The following DEPDC5 variants were observed in gnomAD, a reference collection of about 807,000 sequenced individuals.
DEPDC5 encodes DEP domain containing 5, GATOR1 subcomplex subunit, also known as GATOR1 complex protein DEPDC5.
A neutral mutation model predicts 217.3 loss-of-function variants in DEPDC5; 73 were observed. The ratio of observed to expected loss-of-function variants is 0.34; its 90% CI spans 0.28 to 0.41. DEPDC5 has a LOEUF of 0.41. Ranked by LOEUF, DEPDC5 falls within the 10% of genes least tolerant of loss-of-function variation. The probability of loss-of-function intolerance (pLI) is 1.00; values close to 1 mark genes in which losing one functional copy is unlikely to be tolerated. For synonymous variants in DEPDC5, 733 were observed against 756.7 expected, an observed-to-expected ratio of 0.97 and a Z score of 0.51; for missense variants, 1,675 against 2,070.1, an observed-to-expected ratio of 0.81 and a Z score of 3.70.
intron 15 of DEPDC5, among the ~76,000 whole-genome samples, chr22:31,803,536 C>G (rs1230552049): frequency 6.6e-6 from 1 of 152,090 alleles, no homozygotes; most frequent in Non-Finnish European, 1.5e-5. Context: ...TTCAGATGCA[C>G]TATCAGGTCA....
At chr22:31,816,924 C>G (rs1169926276) in intron 21 of DEPDC5, 1 of 153,306 alleles carries the variant, frequency 6.5e-6, no homozygotes, top group Admixed American at 6.5e-5. Context: ...GGATCTGCAC[C>G]TGAACCCTTA....
chr22:31,827,912 A>G (rs2090278426), intron 24 of DEPDC5, among the ~76,000 whole-genome samples: 1 of 152,122 alleles, frequency 6.6e-6, no homozygotes, highest in African/African-American at 2.4e-5. Context: ...CCAGTCTCAG[A>G]GGTGTCCTGT....
chr22:31,903,053 T>C (rs1003608386), intron 41 of DEPDC5, among the ~76,000 whole-genome samples: 1 of 151,900 alleles, frequency 6.6e-6, no homozygotes, highest in Non-Finnish European at 1.5e-5. Flanking sequence ...GCCAGCTTTT[T>C]CTACCACAGA....
At chr22:31,760,843 G>T in intron 4 of DEPDC5, 141 bp downstream of exon 4, 1 of 701,274 alleles carries the variant, frequency 1.4e-6, no homozygotes. Context: ...TTCAATTCAG[G>T]CAGTACATGG....
At chr22:31,839,518 A>AC (rs136859) in intron 27 of DEPDC5, among the ~76,000 whole-genome samples, 67,796 of 149,344 alleles carry the variant, frequency 0.45, 16,150 homozygotes, top group African/African-American at 0.61. Context: ...TGCTAACAAG[A>AC]CCCCCCCTCC....
At chr22:31,815,705 A>ATT in intron 21 of DEPDC5, 3 of 645,564 alleles carry the variant, frequency 4.6e-6, no homozygotes, top group African/African-American at 1.9e-5. Context: ...TGATTATCAT[A>ATT]TTTTTTTTTG....
rs777328843 is a variant in DEPDC5 at position 31,819,234 on chromosome 22, G to T, written c.1870+9G>T. On this transcript the variant is annotated intron_variant, in intron 22 of 42. Transcript: ENST00000651528. ...GCACACTTTTCCTGTGGGTAAGTTG[G>T]TTGCTTAAGAGAGAGCCTTGGACTA... The T allele has an allele frequency of 1.6e-5, 26 of 1,614,032 alleles. No homozygotes were observed. The highest frequency in any genetic ancestry group is 2.1e-5 in the Non-Finnish European group (25 of 1,180,006).
intron 10 of DEPDC5, among the ~76,000 whole-genome samples, chr22:31,785,798 C>G (rs2148426954): frequency 6.6e-6 from 1 of 152,186 alleles, no homozygotes; most frequent in Non-Finnish European, 1.5e-5. Context: ...ACCCGTACAT[C>G]TATGGTCAGT....
At chr22:31,770,912 C>T (rs2083295335) in intron 7 of DEPDC5, among the ~76,000 whole-genome samples, 1 of 151,108 alleles carries the variant, frequency 6.6e-6, no homozygotes, top group Non-Finnish European at 1.5e-5. Context: ...CTGCCTGGGC[C>T]TCCTGAACTA....
intron 12 of DEPDC5, among the ~76,000 whole-genome samples, chr22:31,793,089 TAAATAAATAAAC>T (rs1258850999): frequency 2.0e-5 from 3 of 151,980 alleles, no homozygotes; most frequent in African/African-American, 7.2e-5. Flanking sequence ...AATAAATAAA[TAAATAAATAAAC>T]CTTTTAATTT....
chr22:31,860,850 A>T (rs2092482141), intron 32 of DEPDC5, among the ~76,000 whole-genome samples: 1 of 152,082 alleles, frequency 6.6e-6, no homozygotes, highest in Non-Finnish European at 1.5e-5. Context: ...CTCCTGGCTC[A>T]ATGTATCTCT....
intron 38 of DEPDC5, among the ~76,000 whole-genome samples, chr22:31,889,109 G>A (rs1236677299): frequency 6.6e-6 from 1 of 152,158 alleles, no homozygotes; most frequent in Non-Finnish European, 1.5e-5. Flanking sequence ...CCTTCCCCAG[G>A]TTACTGATAA....
intron 38 of DEPDC5, chr22:31,891,165 T>A (rs192800827): frequency 2.3e-4 from 117 of 511,738 alleles, no homozygotes; most frequent in Middle Eastern, 1.4e-3. Context: ...TAGGAGCTCC[T>A]TCTTTAAACT....
At chr22:31,834,157 A>G in intron 25 of DEPDC5, 177 bp downstream of exon 25, 1 of 712,150 alleles carries the variant, frequency 1.4e-6, no homozygotes, top group Non-Finnish European at 2.5e-6. Flanking sequence ...ATGGAAAGTG[A>G]GGGGGTGTGT....
rs2148698922 is a variant in DEPDC5, at chr22:31,809,640, T to C, written c.1317T>C (p.Arg439=). Residue 439 remains arginine (R), a synonymous_variant, in exon 19 of 43, where the codon CGT becomes CGC. Transcript: ENST00000651528. ...CCTCTGAGAAAGCAAAAAATGGCCGTGATACATGTGAGTATTTTTTGAGAT... is the reference window on the plus strand; with the variant it reads ...CCTCTGAGAAAGCAAAAAATGGCCGCGATACATGTGAGTATTTTTTGAGAT... ...KPASEKAKNG[R]DTSLGSPKES... The C allele has an allele frequency of 1.9e-6, 3 of 1,614,082 alleles. No individual in the cohort carries two copies. The highest frequency in any genetic ancestry group is 2.5e-6 in the Non-Finnish European group (3 of 1,179,954).
chr22:31,868,900 T>C (rs2092761011), intron 33 of DEPDC5, among the ~76,000 whole-genome samples: 1 of 152,160 alleles, frequency 6.6e-6, no homozygotes, highest in Non-Finnish European at 1.5e-5. Context: ...GTATAATCTT[T>C]GATGCATGCT....
At chr22:31,875,243 G>A (rs762657309) in intron 36 of DEPDC5, 1 of 166,972 alleles carries the variant, frequency 6.0e-6, no homozygotes, top group Non-Finnish European at 1.5e-5. Flanking sequence ...ATACACTCTC[G>A]TCTCCCTGAG....
In DEPDC5 at chr22:31,797,852, T is replaced by C. The variant is rs1196228306; in HGVS notation, c.871+149T>C. 4.5e-6 allele frequency: 3 copies of C among 664,488 alleles called. No homozygotes were observed. The East Asian group carries it at 8.2e-5, about 18-fold the overall frequency. 41.2% of individuals were successfully genotyped at this position (664,488 alleles called of 1,614,324 possible). ...GGGTTCTGTTTCCAGTTGGATCCAA[T>C]TGTACATTTCGTATGCCGTAAGTTC... On this transcript the variant is annotated intron_variant, in intron 13 of 42. Transcript: ENST00000651528.
At chr22:31,885,012 G>A (rs111440833) in intron 38 of DEPDC5, among the ~76,000 whole-genome samples, 2,181 of 152,154 alleles carry the variant, frequency 0.014, 20 homozygotes, top group Middle Eastern at 0.031. Flanking sequence ...ATCGTGGTTC[G>A]AGCCACCTTC....
Sources: gnomAD v4.1 joint callset for allele counts (sites outside exome capture counted in the v4.1 genomes callset) on GRCh38, gnomAD v4.1.1 for gene constraint, MANE v1.5 for transcripts, NCBI Gene and HGNC (gene_info 2026-07-23, HGNC 2026-07-21) for gene names.